The following CDH10 variants were observed in gnomAD, a reference collection of about 807,000 sequenced individuals.
The protein encoded by CDH10 is cadherin-10.
Under a neutral mutation model 73.1 loss-of-function variants are expected in CDH10, and 30 were observed. The ratio of observed to expected loss-of-function variants is 0.41; its 90% CI spans 0.31 to 0.56. CDH10 has a LOEUF of 0.56. Ranked by LOEUF, CDH10 falls within the 20% of genes least tolerant of loss-of-function variation. The probability of loss-of-function intolerance (pLI) is 0.27; values close to 1 mark genes in which losing one functional copy is unlikely to be tolerated. For missense variants in CDH10, 815 were observed against 973.7 expected (o/e 0.84, Z 2.17); for synonymous variants, 345 against 348.2 (o/e 0.99, Z 0.10).
chr5:24,643,206 C>T (rs1168118139), intron 1 of CDH10, among the ~76,000 whole-genome samples: 1 of 151,978 alleles, frequency 6.6e-6, no homozygotes, highest in African/African-American at 2.4e-5. Flanking sequence ...ATTATCTATG[C>T]GACTTAGCAT....
At chr5:24,590,956 C>T (rs915612452) in intron 2 of CDH10, among the ~76,000 whole-genome samples, 3 of 151,800 alleles carry the variant, frequency 2.0e-5, no homozygotes, top group African/African-American at 4.8e-5. Flanking sequence ...ATGTAAAAAC[C>T]GGAATAATTT....
At chr5:24,577,777 A>G (rs779462247) in intron 2 of CDH10, among the ~76,000 whole-genome samples, 8 of 152,152 alleles carry the variant, frequency 5.3e-5, no homozygotes, top group East Asian at 1.9e-4. Context: ...CTCCTCTCAT[A>G]TATGTTATAA....
intron 2 of CDH10, among the ~76,000 whole-genome samples, chr5:24,567,154 A>G (rs1745192224): frequency 6.6e-6 from 1 of 152,044 alleles, no homozygotes; most frequent in Admixed American, 6.6e-5. Flanking sequence ...TTACACTGCT[A>G]TTATATACCT....
Position 24,487,434 on chromosome 5 carries a change from G to A in CDH10, c.*229C>T. 1 of 462,450 alleles carries A rather than the reference G, an allele frequency of 2.2e-6. No homozygotes were observed. The highest frequency in any genetic ancestry group is 3.9e-6 in the Non-Finnish European group (1 of 258,792). The allele number at this position is 462,450 out of a possible 1,614,324, so 28.6% of individuals were successfully genotyped here. A position where few individuals can be genotyped will look rare whatever the true frequency, so the allele number is the denominator to read the frequency against. On this transcript the variant is annotated 3_prime_UTR_variant, in exon 12 of 12. Transcript: ENST00000264463. ...TTTATTTACTAAGATGGACAACACT[G>A]TATTTCCATAGCTTTGGCTCTTGGA...
intron 2 of CDH10, among the ~76,000 whole-genome samples, chr5:24,582,795 A>T (rs181874961): frequency 1.8e-4 from 27 of 152,318 alleles, no homozygotes; most frequent in Middle Eastern, 3.4e-3. Flanking sequence ...GAACAATAAA[A>T]TGTCACTCAT....
At chr5:24,559,854 T>G (rs1473312546) in intron 2 of CDH10, among the ~76,000 whole-genome samples, 1 of 152,126 alleles carries the variant, frequency 6.6e-6, no homozygotes, top group Admixed American at 6.6e-5. Flanking sequence ...AATACCCCTA[T>G]CAGTTTCTTT....
At chr5:24,511,624 G>T (rs1677383072) in intron 5 of CDH10, 110 bp from the exon 6 acceptor site, 1 of 612,636 alleles carries the variant, frequency 1.6e-6, no homozygotes, top group Non-Finnish European at 2.9e-6. Flanking sequence ...AGCAAAACAT[G>T]TAAGACGCAA....
intron 11 of CDH10, 30 bp from the exon 12 acceptor site, chr5:24,488,183 C>A (rs141569837): frequency 7.0e-6 from 11 of 1,563,010 alleles, no homozygotes; most frequent in Non-Finnish European, 8.7e-6. Context: ...ATACATTAGA[C>A]GTCCGTTCAA....
At chr5:24,539,018 A>G (rs902930820) in intron 2 of CDH10, among the ~76,000 whole-genome samples, 4 of 152,082 alleles carry the variant, frequency 2.6e-5, no homozygotes, top group African/African-American at 9.7e-5. Flanking sequence ...GATAAGAAAT[A>G]TTTTTAAAAC....
rs138311835 is a variant in CDH10, at chr5:24,634,898, A to G, written c.-124+9696T>C. Among the ~76,000 whole-genome samples the G allele has an allele frequency of 2.0e-3, 304 of 151,858 alleles. 2 individuals are homozygous for G. The highest frequency in any genetic ancestry group is 7.0e-3 in the African/African-American group (290 of 41,492). On this transcript the variant is annotated intron_variant, in intron 1 of 11. Transcript: ENST00000264463. ...TTTAAAAACGTATTTATGAACCCAT[A>G]TAAATGTATATTTTATGACCTCAAT...
chr5:24,556,274 T>C (rs111371094), intron 2 of CDH10, among the ~76,000 whole-genome samples: 2 of 152,252 alleles, frequency 1.3e-5, no homozygotes, highest in African/African-American at 4.8e-5. Flanking sequence ...GCTTCTAATC[T>C]ATACTTAATT....
At chr5:24,621,784 TATA>T (rs1747325465) in intron 1 of CDH10, among the ~76,000 whole-genome samples, 1 of 152,220 alleles carries the variant, frequency 6.6e-6, no homozygotes. Flanking sequence ...TATGCACACA[TATA>T]ATTCATTTAT....
rs1030268503 is a variant in CDH10 at position 24,511,463 on chromosome 5, C to T, written c.866G>A (p.Gly289Glu). The T allele has an allele frequency of 5.6e-6, 9 of 1,607,488 alleles. No individual in the cohort carries two copies. The highest frequency in any genetic ancestry group is 7.7e-6 in the Non-Finnish European group (9 of 1,175,356). The change falls in exon 6 of 12, where the codon GGA becomes GAA. Residue 289 changes from glycine to glutamate, a missense_variant. Physicochemically the swap from Gly to Glu is moderately conservative, Grantham distance 98. Coordinates refer to ENST00000264463, the MANE Select transcript of CDH10 (RefSeq NM_006727.5). The stretch of plus-strand genomic sequence containing the variant: ...GTCAGCATCAGTTGCTTTGACACTT[C>T]CAATGGCTGTGCCAACTGGGGAGGA... Reference protein sequence around the residue: ...LESSPVGTAIGSVKATDADTG... With the variant: ...LESSPVGTAIESVKATDADTG...
At chr5:24,507,069 C>G (rs1742723827) in intron 7 of CDH10, among the ~76,000 whole-genome samples, 1 of 152,046 alleles carries the variant, frequency 6.6e-6, no homozygotes, top group African/African-American at 2.4e-5. Context: ...AAATAATTTC[C>G]AGAACACACA....
chr5:24,564,022 G>T (rs1243869666), intron 2 of CDH10, among the ~76,000 whole-genome samples: 1 of 152,098 alleles, frequency 6.6e-6, no homozygotes, highest in East Asian at 1.9e-4. Flanking sequence ...CCCAAGAAGG[G>T]TTGAGTTTAT....
rs898619545 is a variant in CDH10 at position 24,520,189 on chromosome 5, T to A, written c.815-8675A>T. Among the ~76,000 whole-genome samples the A allele has an allele frequency of 2.0e-5, 3 of 152,328 alleles. No individual in the cohort carries two copies. The East Asian group carries it at 5.8e-4, about 29-fold the overall frequency. On this transcript the variant is annotated intron_variant, in intron 5 of 11. Coordinates refer to ENST00000264463, the MANE Select transcript of CDH10 (RefSeq NM_006727.5). ...TGTAGACATAGGTCATATAGAATTATTGTTTGTAAAATGAAAAAAAGGAAG... is the reference window on the plus strand; with the variant it reads ...TGTAGACATAGGTCATATAGAATTAATGTTTGTAAAATGAAAAAAAGGAAG...
chr5:24,567,506 T>C (rs1403053136), intron 2 of CDH10, among the ~76,000 whole-genome samples: 1 of 151,414 alleles, frequency 6.6e-6, no homozygotes, highest in Non-Finnish European at 1.5e-5. Flanking sequence ...GCATACAAGA[T>C]CCTCAAAAAA....
At chr5:24,540,962 T>C (rs188946376) in intron 2 of CDH10, among the ~76,000 whole-genome samples, 19 of 152,072 alleles carry the variant, frequency 1.2e-4, no homozygotes, top group African/African-American at 4.3e-4. Context: ...TCCTGGCATG[T>C]AAAAATGTTT....
At chr5:24,521,423 A>T (rs1196850935) in intron 5 of CDH10, among the ~76,000 whole-genome samples, 1 of 152,122 alleles carries the variant, frequency 6.6e-6, no homozygotes, top group Middle Eastern at 3.2e-3. Flanking sequence ...GCATGCTTGC[A>T]TGCCTGACTA....
Sources: allele counts gnomAD v4.1 joint callset (sites outside exome capture counted in the v4.1 genomes callset), GRCh38; gene constraint gnomAD v4.1.1; transcripts MANE v1.5; gene names NCBI Gene and HGNC (gene_info 2026-07-23, HGNC 2026-07-21).